The following PTDSS1 variants were observed in gnomAD, a reference collection of about 807,000 sequenced individuals.
PTDSS1 encodes the protein PSS-1.
In PTDSS1, 45 loss-of-function variants were observed where a neutral mutation model predicts 70.5. The observed-to-expected ratio is 0.64, with a 90% confidence interval of 0.50 to 0.82. The LOEUF is 0.82. Ranked by LOEUF, PTDSS1 falls within the 40% of genes least tolerant of loss-of-function variation. The probability of loss-of-function intolerance (pLI) is 0.00; values close to 1 mark genes in which losing one functional copy is unlikely to be tolerated. For missense variants in PTDSS1, 417 were observed against 586.1 expected (o/e 0.71, Z 2.98); for synonymous variants, 188 against 203.8 (o/e 0.92, Z 0.66).
Position 96,261,935 on chromosome 8 carries a change from C to A in PTDSS1, c.-106C>A. ...TCCCAGCCTTTGCTGGGCGCCAGAC[C>A]CGGCTTTGCCGTCCGGCTATTAGCC... On this transcript the variant is annotated 5_prime_UTR_variant, in exon 1 of 13. Transcript: ENST00000517309. 8.1e-7 allele frequency: 1 copy of A among 1,241,650 alleles called. No homozygotes were observed. Among genetic ancestry groups the A allele is most frequent in the Non-Finnish European group, 1.1e-6 (1 of 907,340 alleles). The allele number at this position is 1,241,650 out of a possible 1,614,324, so 76.9% of individuals were successfully genotyped here. A position where few individuals can be genotyped will look rare whatever the true frequency, so the allele number is the denominator to read the frequency against.
chr8:96,333,625 T>C lies in PTDSS1; in HGVS notation c.*59T>C. The C allele has an allele frequency of 6.6e-7, 1 of 1,517,338 alleles. No individual in the cohort carries two copies. Among genetic ancestry groups the C allele is most frequent in the Non-Finnish European group, 9.2e-7 (1 of 1,092,388 alleles). The allele number at this position is 1,517,338 out of a possible 1,614,324, so 94.0% of individuals were successfully genotyped here. A position where few individuals can be genotyped will look rare whatever the true frequency, so the allele number is the denominator to read the frequency against. ...CCTAGAACTGAGAGGGAAATGGAACTCATTTGGAACTCCCCGTGAGGAGGT... is the reference window on the plus strand; with the variant it reads ...CCTAGAACTGAGAGGGAAATGGAACCCATTTGGAACTCCCCGTGAGGAGGT... On this transcript the variant is annotated 3_prime_UTR_variant, in exon 13 of 13. Transcript: ENST00000517309.
chr8:96,272,848 A>C (rs112783423), intron 1 of PTDSS1, among the ~76,000 whole-genome samples: 5,597 of 152,264 alleles, frequency 0.037, 354 homozygotes, highest in African/African-American at 0.13. Context: ...GTGTGCCCTC[A>C]GTGTGCAGCC....
At chr8:96,279,137 AT>A (rs1172421875) in intron 2 of PTDSS1, among the ~76,000 whole-genome samples, 332 of 141,048 alleles carry the variant, frequency 2.4e-3, no homozygotes, top group Middle Eastern at 7.5e-3. Context: ...CGCCCAGCTA[AT>A]TTTTTTTTTT....
intron 10 of PTDSS1, among the ~76,000 whole-genome samples, chr8:96,327,667 C>T (rs1053851568): frequency 6.6e-6 from 1 of 152,022 alleles, no homozygotes; most frequent in Admixed American, 6.6e-5. Context: ...GCAAAGATCC[C>T]GGGTGCTGGT....
At chr8:96,315,416 T>G (rs138909837) in intron 9 of PTDSS1, among the ~76,000 whole-genome samples, 1 of 152,270 alleles carries the variant, frequency 6.6e-6, no homozygotes, top group Non-Finnish European at 1.5e-5. Context: ...CGTGCAGGCT[T>G]GTTGGCAAGC....
At position 96,306,366 on chromosome 8, in the gene PTDSS1, T is replaced by C. The variant is rs552164045; in HGVS notation, c.895-78T>C. 5 of 1,007,024 alleles carry C rather than the reference T, an allele frequency of 5.0e-6. No homozygotes were observed. The South Asian group carries it at 6.9e-5, about 14-fold the overall frequency. 62.4% of individuals were successfully genotyped at this position (1,007,024 alleles called of 1,614,324 possible). A position where few individuals can be genotyped will look rare whatever the true frequency, so the allele number is the denominator to read the frequency against. ...TGAACATACCAATTATTTCTAATTG[T>C]AGAATGTCTATTTAAGGAATAGAGG... On this transcript the variant is annotated intron_variant, in intron 7 of 12. Coordinates refer to ENST00000517309, the MANE Select transcript of PTDSS1 (RefSeq NM_014754.3).
At chr8:96,326,712 C>T (rs546103577) in intron 10 of PTDSS1, among the ~76,000 whole-genome samples, 7 of 152,184 alleles carry the variant, frequency 4.6e-5, no homozygotes, top group Admixed American at 6.5e-5. Flanking sequence ...AATTTTCAAG[C>T]GGGGAAACAA....
chr8:96,279,937 A>G (rs1051125816), intron 2 of PTDSS1, among the ~76,000 whole-genome samples: 1 of 152,154 alleles, frequency 6.6e-6, no homozygotes, highest in Admixed American at 6.5e-5. Context: ...CTAACTAATA[A>G]TAATCAAAAA....
chr8:96,276,360 T>C (rs1443322275), intron 2 of PTDSS1, among the ~76,000 whole-genome samples: 1 of 152,230 alleles, frequency 6.6e-6, no homozygotes, highest in Non-Finnish European at 1.5e-5. Context: ...CCCAATGAAG[T>C]CCTCTAATCT....
chr8:96,312,712 A>C (rs1586203781), intron 9 of PTDSS1, among the ~76,000 whole-genome samples: 1 of 152,018 alleles, frequency 6.6e-6, no homozygotes, highest in Non-Finnish European at 1.5e-5. Context: ...CATAAATCAC[A>C]CCCAGTGGAT....
intron 9 of PTDSS1, among the ~76,000 whole-genome samples, chr8:96,313,866 CCTT>C (rs1202281354): frequency 6.6e-6 from 1 of 152,204 alleles, no homozygotes; most frequent in East Asian, 1.9e-4. Flanking sequence ...ACATTATCTG[CCTT>C]CTTGAAACTG....
chr8:96,324,126 G>C (rs879489606), intron 10 of PTDSS1, among the ~76,000 whole-genome samples: 1 of 152,166 alleles, frequency 6.6e-6, no homozygotes, highest in Non-Finnish European at 1.5e-5. Context: ...TCCAATCCTT[G>C]CTCCTCATTT....
chr8:96,286,899 C>A, intron 3 of PTDSS1, 123 bp from the exon 4 acceptor site: 1 of 1,250,826 alleles, frequency 8.0e-7, no homozygotes, highest in Non-Finnish European at 1.1e-6. Context: ...TAAGAGGAGT[C>A]TTGACAGGCT....
intron 9 of PTDSS1, among the ~76,000 whole-genome samples, chr8:96,314,172 G>A (rs959903557): frequency 1.5e-4 from 23 of 152,100 alleles, no homozygotes; most frequent in African/African-American, 5.6e-4. Context: ...AGCCTCCTAA[G>A]TAGCTGGGAC....
rs1563589569 is a variant in PTDSS1, at chr8:96,333,710, G to GTT, written c.*145_*146insTT. 1 of 813,022 alleles carries GTT rather than the reference G, an allele frequency of 1.2e-6. No homozygotes were observed. Among genetic ancestry groups the GTT allele is most frequent in the East Asian group, 2.7e-5 (1 of 37,714 alleles). 50.4% of individuals were successfully genotyped at this position (813,022 alleles called of 1,614,324 possible). A position where few individuals can be genotyped will look rare whatever the true frequency, so the allele number is the denominator to read the frequency against. Reference sequence around the variant, plus strand: ...CACTTGGGGGTCATTATTTGAGATCGTAAGTCTTGTTTCCCACAGACCTGG... The same window carrying GTT: ...CACTTGGGGGTCATTATTTGAGATCGTTTAAGTCTTGTTTCCCACAGACCTGG... On this transcript the variant is annotated 3_prime_UTR_variant, in exon 13 of 13. Coordinates refer to ENST00000517309, the MANE Select transcript of PTDSS1 (RefSeq NM_014754.3).
rs111786254 is a variant in PTDSS1 at position 96,318,775 on chromosome 8, A to G, written c.1074-1471A>G. On this transcript the variant is annotated intron_variant, in intron 9 of 12. Coordinates refer to ENST00000517309, the MANE Select transcript of PTDSS1 (RefSeq NM_014754.3). ...TTCTGTTGATTTTTCTGCTTTGCTG[A>G]AGTGGTTCTAACTCCAGGCATTTAG... Among the ~76,000 whole-genome samples, 559 of 152,204 alleles carry G rather than the reference A, an allele frequency of 3.7e-3. 2 individuals carry two copies. Among genetic ancestry groups the G allele is most frequent in the African/African-American group, 0.012 (507 of 41,532 alleles).
intron 2 of PTDSS1, among the ~76,000 whole-genome samples, chr8:96,279,291 C>G (rs917046991): frequency 1.3e-5 from 2 of 151,888 alleles, no homozygotes; most frequent in Non-Finnish European, 2.9e-5. Context: ...GCACTCAGCA[C>G]TTTTTTACGG....
rs1811596680 is a variant in PTDSS1, at chr8:96,336,617, T to C, written c.*3051T>C. The C allele has an allele frequency of 6.6e-6, 1 of 151,870 alleles. No individual in the cohort carries two copies. The highest frequency in any genetic ancestry group is 2.4e-5 in the African/African-American group (1 of 41,198). 9.4% of individuals were successfully genotyped at this position (151,870 alleles called of 1,614,324 possible). A position where few individuals can be genotyped will look rare whatever the true frequency, so the allele number is the denominator to read the frequency against. Reference sequence around the variant, plus strand: ...TACCAGGTGGGCGTTGTTTATATGGTTCTTATTGTTATGACAACTAGAAAT... The same window carrying C: ...TACCAGGTGGGCGTTGTTTATATGGCTCTTATTGTTATGACAACTAGAAAT... On this transcript the variant is annotated 3_prime_UTR_variant, in exon 13 of 13. Transcript: ENST00000517309.
chr8:96,331,848 A>G (rs1410120606), intron 12 of PTDSS1, among the ~76,000 whole-genome samples: 1 of 152,000 alleles, frequency 6.6e-6, no homozygotes, highest in African/African-American at 2.4e-5. Flanking sequence ...CAGGTATTTG[A>G]GACCAGCATG....
Sources: allele counts gnomAD v4.1 joint callset (sites outside exome capture counted in the v4.1 genomes callset), GRCh38; gene constraint gnomAD v4.1.1; transcripts MANE v1.5; gene names NCBI Gene and HGNC (gene_info 2026-07-23, HGNC 2026-07-21).